Variants in DOK5 observed in about 807,000 individuals in gnomAD.
DOK5 encodes the protein docking protein 5.
In DOK5, 27 loss-of-function variants were observed where a neutral mutation model predicts 43.3. The observed-to-expected ratio is 0.62, with a 90% CI of 0.46 to 0.86. The LOEUF (loss-of-function observed/expected upper bound fraction) is 0.86. DOK5 is among the 40% of genes least tolerant of loss of function. The pLI is 0.00. For synonymous variants in DOK5, 146 were observed against 140.1 expected, an observed-to-expected ratio of 1.04 and a Z score of -0.30; for missense variants, 373 against 392.9, an observed-to-expected ratio of 0.95 and a Z score of 0.43.
chr20:54,531,345 G>A (rs558686510), intron 1 of DOK5, among the ~76,000 whole-genome samples: 113 of 152,280 alleles, frequency 7.4e-4, no homozygotes, highest in Middle Eastern at 3.4e-3. Context: ...CAAGAACCTA[G>A]TTTATAGCCA....
chr20:54,583,761 C>G (rs777018250), intron 2 of DOK5, among the ~76,000 whole-genome samples: 1 of 152,086 alleles, frequency 6.6e-6, no homozygotes, highest in Admixed American at 6.6e-5. Flanking sequence ...TCACTCTCAG[C>G]CTATGTGTGT....
intron 5 of DOK5, among the ~76,000 whole-genome samples, chr20:54,594,226 A>G (rs1986066561): frequency 6.6e-6 from 1 of 152,110 alleles, no homozygotes; most frequent in Admixed American, 6.6e-5. Flanking sequence ...ATAAAAGCAA[A>G]TTAAATGAAA....
intron 4 of DOK5, among the ~76,000 whole-genome samples, chr20:54,590,525 A>G (rs1218225903): frequency 6.6e-6 from 1 of 152,116 alleles, no homozygotes; most frequent in Non-Finnish European, 1.5e-5. Flanking sequence ...AGGGGGGGGA[A>G]TATGCTCAAT....
chr20:54,610,620 G>GC, intron 6 of DOK5, 97 bp downstream of exon 6: 2 of 1,237,334 alleles, frequency 1.6e-6, no homozygotes, highest in Non-Finnish European at 2.1e-6. Context: ...CATTATTTGA[G>GC]CAGATGACTG....
chr20:54,578,055 G>A (rs13040265), intron 2 of DOK5, among the ~76,000 whole-genome samples: 13,309 of 152,166 alleles, frequency 0.087, 1,035 homozygotes, highest in African/African-American at 0.21. Context: ...CCTAGGGAGA[G>A]AATCATTTTT....
intron 1 of DOK5, among the ~76,000 whole-genome samples, chr20:54,551,959 C>A (rs1984545276): frequency 6.6e-6 from 1 of 152,126 alleles, no homozygotes; most frequent in Admixed American, 6.5e-5. Context: ...TCCAGAGTAG[C>A]TGGGACTACA....
Position 54,510,719 on chromosome 20 carries a change from G to T in DOK5, c.66+34707G>T, listed in dbSNP as rs560604989. On this transcript the variant is annotated intron_variant, in intron 1 of 7. Coordinates refer to ENST00000262593, the MANE Select transcript of DOK5 (RefSeq NM_018431.5). ...GAGTTCCCTTACATTGCCCTGGGTT[G>T]TGTTGGCTTGGAAGGCTGCCTGGCC... is the stretch of plus-strand genomic sequence containing the variant. Among the ~76,000 whole-genome samples the T allele has an allele frequency of 1.2e-3, 189 of 152,284 alleles. 1 individual carries two copies. The highest frequency in any genetic ancestry group is 4.0e-3 in the African/African-American group (167 of 41,560).
chr20:54,490,901 C>T (rs1334972020), intron 1 of DOK5, among the ~76,000 whole-genome samples: 2 of 152,020 alleles, frequency 1.3e-5, no homozygotes, highest in African/African-American at 4.8e-5. Flanking sequence ...TTTCCTTTCT[C>T]TCTAAGCTCT....
chr20:54,596,626 A>G (rs1485628523), intron 5 of DOK5, among the ~76,000 whole-genome samples: 1 of 152,174 alleles, frequency 6.6e-6, no homozygotes, highest in Non-Finnish European at 1.5e-5. Context: ...TTTCATTGCC[A>G]CCTGTAAATT....
At chr20:54,499,697 A>G (rs1982523299) in intron 1 of DOK5, among the ~76,000 whole-genome samples, 1 of 152,220 alleles carries the variant, frequency 6.6e-6, no homozygotes, top group African/African-American at 2.4e-5. Context: ...CATTTACACA[A>G]ACAAGATGCT....
chr20:54,547,615 G>A (rs946587509), intron 1 of DOK5, among the ~76,000 whole-genome samples: 33 of 152,132 alleles, frequency 2.2e-4, no homozygotes, highest in East Asian at 1.9e-4. Context: ...ATTATTAAGG[G>A]TATCAAATTT....
At chr20:54,615,040 C>T (rs1015967183) in intron 6 of DOK5, among the ~76,000 whole-genome samples, 12 of 152,166 alleles carry the variant, frequency 7.9e-5, no homozygotes, top group Admixed American at 2.0e-4. Flanking sequence ...CGGAGAAAGA[C>T]GGCAAAACTC....
chr20:54,486,844 A>G (rs1981953836), intron 1 of DOK5, among the ~76,000 whole-genome samples: 1 of 152,024 alleles, frequency 6.6e-6, no homozygotes, highest in Non-Finnish European at 1.5e-5. Context: ...TTTATTTTTT[A>G]TTGGTAAGAG....
At chr20:54,552,028 A>T (rs1334481304) in intron 1 of DOK5, among the ~76,000 whole-genome samples, 3 of 152,124 alleles carry the variant, frequency 2.0e-5, no homozygotes, top group Non-Finnish European at 2.9e-5. Flanking sequence ...GGGTTTTGTC[A>T]TATTGGCCAG....
chr20:54,492,395 TATGA>T (rs1366239991), intron 1 of DOK5, among the ~76,000 whole-genome samples: 1 of 152,240 alleles, frequency 6.6e-6, no homozygotes, highest in Non-Finnish European at 1.5e-5. Context: ...CAAAAATTTT[TATGA>T]ATGGTCAATA....
intron 2 of DOK5, among the ~76,000 whole-genome samples, chr20:54,585,782 A>G: frequency 6.6e-6 from 1 of 152,208 alleles, no homozygotes; most frequent in East Asian, 1.9e-4. Context: ...GATAATAGTA[A>G]TATTTATTTC....
At chr20:54,545,669 A>C (rs1430924348) in intron 1 of DOK5, among the ~76,000 whole-genome samples, 1 of 152,252 alleles carries the variant, frequency 6.6e-6, no homozygotes, top group Non-Finnish European at 1.5e-5. Context: ...AAAGACACTG[A>C]CTATGCTATC....
At chr20:54,643,650 CT>C (rs1979234522) in intron 7 of DOK5, 72 bp downstream of exon 7, 1 of 1,525,200 alleles carries the variant, frequency 6.6e-7, no homozygotes. Context: ...CTCAGCTCAA[CT>C]CGCAGCTGCT....
At chr20:54,581,639 T>C in intron 2 of DOK5, among the ~76,000 whole-genome samples, 1 of 152,086 alleles carries the variant, frequency 6.6e-6, no homozygotes, top group South Asian at 2.1e-4. Context: ...TTTTGGGTTT[T>C]TTGATGCAAT....
Sources: gnomAD v4.1 joint callset for allele counts (sites outside exome capture counted in the v4.1 genomes callset) on GRCh38, gnomAD v4.1.1 for gene constraint, MANE v1.5 for transcripts, NCBI Gene and HGNC (gene_info 2026-07-23, HGNC 2026-07-21) for gene names.